The following PPP1R9A variants were observed in gnomAD, a reference collection of about 807,000 sequenced individuals.
The protein encoded by PPP1R9A is protein phosphatase 1 regulatory subunit 9A, also known as neurabin-1.
A neutral mutation model predicts 141.9 loss-of-function variants in PPP1R9A; 59 were observed. That is an observed-to-expected ratio of 0.42 (90% CI 0.34 to 0.52). PPP1R9A has a LOEUF of 0.52. PPP1R9A is among the 20% of genes least tolerant of loss of function. The probability of loss-of-function intolerance (pLI) is 0.10; values close to 1 mark genes in which losing one functional copy is unlikely to be tolerated. For missense variants in PPP1R9A, 1,444 were observed against 1,611.9 expected, an observed-to-expected ratio of 0.90 and a Z score of 1.78; for synonymous variants, 500 against 569.7, an observed-to-expected ratio of 0.88 and a Z score of 1.74.
chr7:95,263,605 G>T (rs1205936694), intron 12 of PPP1R9A, among the ~76,000 whole-genome samples: 2 of 151,982 alleles, frequency 1.3e-5, no homozygotes, highest in African/African-American at 2.4e-5. Context: ...TGTATTTTTA[G>T]TAGAGACAGG....
At chr7:95,202,051 A>G (rs930313889) in intron 6 of PPP1R9A, among the ~76,000 whole-genome samples, 1 of 152,214 alleles carries the variant, frequency 6.6e-6, no homozygotes, top group Non-Finnish European at 1.5e-5. Context: ...GGAAAACATC[A>G]CAATGGGAGA....
At chr7:95,116,743 A>C (rs2152467059) in intron 3 of PPP1R9A, among the ~76,000 whole-genome samples, 1 of 152,322 alleles carries the variant, frequency 6.6e-6, no homozygotes, top group Non-Finnish European at 1.5e-5. Context: ...AATATGAATG[A>C]CTTAATTTTC....
At chr7:95,188,787 T>G (rs1222842103) in intron 5 of PPP1R9A, among the ~76,000 whole-genome samples, 1 of 151,970 alleles carries the variant, frequency 6.6e-6, no homozygotes, top group Non-Finnish European at 1.5e-5. Context: ...TTAGTAGAGA[T>G]AGGGTTTTAC....
At chr7:95,083,613 G>T (rs747996938) in intron 2 of PPP1R9A, among the ~76,000 whole-genome samples, 4 of 151,996 alleles carry the variant, frequency 2.6e-5, no homozygotes, top group South Asian at 2.1e-4. Context: ...GTTCCAGGTC[G>T]TTCCAGCTTA....
At position 94,945,757 on chromosome 7, in the gene PPP1R9A, T is replaced by C. The variant is rs572477507; in HGVS notation, c.1395+34249T>C. ...AAAGATTTTCTTACTGATCTGATTA[T>C]TTGACATGCCCAAAGCGGGATAGAA... On this transcript the variant is annotated intron_variant, in intron 2 of 19. Transcript: ENST00000433360. Among the ~76,000 whole-genome samples the C allele has an allele frequency of 3.1e-4, 47 of 152,194 alleles. No individual in the cohort carries two copies. The East Asian group carries it at 9.1e-3, about 29-fold the overall frequency.
At chr7:95,101,400 A>G (rs1818779194) in intron 2 of PPP1R9A, among the ~76,000 whole-genome samples, 1 of 152,216 alleles carries the variant, frequency 6.6e-6, no homozygotes, top group African/African-American at 2.4e-5. Flanking sequence ...TTACATGTCC[A>G]TGTTAGGTCA....
intron 2 of PPP1R9A, among the ~76,000 whole-genome samples, chr7:94,959,701 A>G (rs1279125063): frequency 6.6e-6 from 1 of 151,650 alleles, no homozygotes; most frequent in East Asian, 1.9e-4. Context: ...CAGTTATTCA[A>G]TTTTTAATTT....
chr7:95,120,833 G>A lies in PPP1R9A; in HGVS notation c.1649+1G>A, dbSNP rs779299220. The stretch of plus-strand genomic sequence containing the variant: ...GTGGTGCTGCTCAACGGGATGGCAG[G>A]TAAATTAAGGACTGTTGTTAATAAC... On this transcript the variant is annotated splice_donor_variant, in intron 4 of 19. Coordinates refer to ENST00000433360, the MANE Select transcript of PPP1R9A (RefSeq NM_001166160.2). LOFTEE classifies it high-confidence loss of function. The A allele has an allele frequency of 6.2e-7, 1 of 1,612,822 alleles. No individual in the cohort carries two copies. Among genetic ancestry groups the A allele is most frequent in the Non-Finnish European group, 8.5e-7 (1 of 1,179,472 alleles).
chr7:95,203,608 G>A (rs1790060190), intron 6 of PPP1R9A, 57 bp from the exon 7 acceptor site: 2 of 1,292,880 alleles, frequency 1.5e-6, no homozygotes, highest in Non-Finnish European at 2.1e-6. Flanking sequence ...CCTTTATCAG[G>A]CTGCTCTCTG....
intron 2 of PPP1R9A, among the ~76,000 whole-genome samples, chr7:94,951,302 T>G (rs1192123969): frequency 2.6e-5 from 4 of 152,044 alleles, no homozygotes; most frequent in Admixed American, 2.6e-4. Context: ...ATTTTTGTCT[T>G]GTTTCTGATT....
At chr7:94,984,736 G>A (rs1010055254) in intron 2 of PPP1R9A, among the ~76,000 whole-genome samples, 10 of 151,638 alleles carry the variant, frequency 6.6e-5, no homozygotes, top group African/African-American at 2.4e-4. Flanking sequence ...TTCTTTATTA[G>A]TCTTGGTAGT....
chr7:95,257,807 G>A (rs1283816661), intron 12 of PPP1R9A, among the ~76,000 whole-genome samples: 2 of 151,958 alleles, frequency 1.3e-5, no homozygotes, highest in Non-Finnish European at 2.9e-5. Flanking sequence ...GAGAATGATG[G>A]TTTCCAGCTT....
intron 5 of PPP1R9A, among the ~76,000 whole-genome samples, chr7:95,171,009 G>C (rs982525989): frequency 6.6e-6 from 1 of 151,470 alleles, no homozygotes; most frequent in Non-Finnish European, 1.5e-5. Context: ...ATTACTTGGA[G>C]ACAGACTGAA....
chr7:95,236,141 C>G (rs1796649526), intron 8 of PPP1R9A, among the ~76,000 whole-genome samples: 1 of 151,582 alleles, frequency 6.6e-6, no homozygotes, highest in South Asian at 2.1e-4. Flanking sequence ...CCTATTATAA[C>G]AACAACAAAA....
At chr7:95,157,639 G>T (rs574488581) in intron 4 of PPP1R9A, among the ~76,000 whole-genome samples, 1 of 152,290 alleles carries the variant, frequency 6.6e-6, no homozygotes, top group Non-Finnish European at 1.5e-5. Context: ...CTATAACTAG[G>T]ATCTTTAATC....
At chr7:95,028,683 G>A (rs74796242) in intron 2 of PPP1R9A, among the ~76,000 whole-genome samples, 2,106 of 152,262 alleles carry the variant, frequency 0.014, 60 homozygotes, top group African/African-American at 0.049. Flanking sequence ...AAAGTTCTTA[G>A]AATGTGCATA....
intron 5 of PPP1R9A, among the ~76,000 whole-genome samples, chr7:95,165,578 C>T (rs1831114014): frequency 6.6e-6 from 1 of 152,206 alleles, no homozygotes; most frequent in African/African-American, 2.4e-5. Context: ...TCTTGACTCA[C>T]AGAAACTATG....
chr7:94,976,605 T>G (rs528374010), intron 2 of PPP1R9A, among the ~76,000 whole-genome samples: 1 of 152,260 alleles, frequency 6.6e-6, no homozygotes, highest in African/African-American at 2.4e-5. Context: ...CTAACATGTT[T>G]TATTCTTAAT....
intron 2 of PPP1R9A, among the ~76,000 whole-genome samples, chr7:95,063,527 T>C (rs1462878226): frequency 6.6e-6 from 1 of 152,194 alleles, no homozygotes; most frequent in East Asian, 1.9e-4. Flanking sequence ...ATTGTGCCAC[T>C]GTACTCCAGC....
Sources: allele counts gnomAD v4.1 joint callset (sites outside exome capture counted in the v4.1 genomes callset), GRCh38; gene constraint gnomAD v4.1.1; transcripts MANE v1.5; gene names NCBI Gene and HGNC (gene_info 2026-07-23, HGNC 2026-07-21).